The following RANBP2 variants were observed in gnomAD, a reference collection of about 807,000 sequenced individuals.
RANBP2 encodes the protein E3 SUMO-protein ligase RanBP2.
RANBP2 carries 57 observed loss-of-function variants against 303.6 expected under a neutral mutation model. That is an observed-to-expected ratio of 0.19 (90% CI 0.15 to 0.23). The LOEUF (loss-of-function observed/expected upper bound fraction) is 0.23. Ranked by LOEUF, RANBP2 falls within the 10% of genes least tolerant of loss-of-function variation. The pLI, the probability that RANBP2 is intolerant of heterozygous loss-of-function variation, is 1.00. For synonymous variants in RANBP2, 1,167 were observed against 1,301.5 expected, an observed-to-expected ratio of 0.90 and a Z score of 2.23; for missense variants, 3,138 against 3,780.8, an observed-to-expected ratio of 0.83 and a Z score of 4.46.
At chr2:109,404,266 C>T in the RANBP2 span, among the ~76,000 whole-genome samples, 1 of 152,224 alleles carries the variant, frequency 6.6e-6, no homozygotes, top group Non-Finnish European at 1.5e-5. Flanking sequence ...GGGCTTTAGG[C>T]TGAGGCTTTG....
chr2:109,327,314 C>T, the RANBP2 span, among the ~76,000 whole-genome samples: 1 of 152,174 alleles, frequency 6.6e-6, no homozygotes, highest in Non-Finnish European at 1.5e-5. Flanking sequence ...TTCCCTGCCG[C>T]TGGTAAATCA....
rs1695290023 is a variant in RANBP2, at chr2:108,732,946, T to G, written c.405+1472T>G. Among the ~76,000 whole-genome samples, 3 of 152,054 alleles carry G rather than the reference T, an allele frequency of 2.0e-5. No individual in the cohort carries two copies. In the South Asian group the frequency reaches 6.2e-4, roughly 32 times the overall value. On this transcript the variant is annotated intron_variant, in intron 4 of 28. Transcript: ENST00000283195. Reference sequence around the variant, plus strand: ...TCAAGCGATTCTCCTGCCTCAGCCTTCCGGGTAGCTGGGACTACAGGCACG... The same window carrying G: ...TCAAGCGATTCTCCTGCCTCAGCCTGCCGGGTAGCTGGGACTACAGGCACG...
the RANBP2 span, among the ~76,000 whole-genome samples, chr2:108,990,324 G>A: frequency 7.3e-5 from 11 of 151,322 alleles, no homozygotes; most frequent in South Asian, 2.1e-4. Flanking sequence ...CCAGCTACTC[G>A]GGAGGCTGAG....
the RANBP2 span, among the ~76,000 whole-genome samples, chr2:108,793,493 T>G: frequency 6.6e-6 from 1 of 152,206 alleles, no homozygotes; most frequent in South Asian, 2.1e-4. Flanking sequence ...ACAGCCACTT[T>G]GGAAAACAAT....
chr2:109,692,737 T>G, the RANBP2 span, among the ~76,000 whole-genome samples: 2 of 152,172 alleles, frequency 1.3e-5, no homozygotes, highest in Non-Finnish European at 2.9e-5. Flanking sequence ...CCTCTGAAAT[T>G]GCAGAGGGAA....
chr2:108,832,935 A>C, the RANBP2 span, among the ~76,000 whole-genome samples: 1,966 of 152,320 alleles, frequency 0.013, 50 homozygotes, highest in African/African-American at 0.046. Flanking sequence ...AGAGGGAGAC[A>C]GGAAATGGTT....
At chr2:109,364,548 T>C in the RANBP2 span, among the ~76,000 whole-genome samples, 10 of 152,356 alleles carry the variant, frequency 6.6e-5, no homozygotes, top group African/African-American at 2.2e-4. Flanking sequence ...ATTTTCTTGA[T>C]ACCAGACATG....
the RANBP2 span, among the ~76,000 whole-genome samples, chr2:109,712,559 G>A: frequency 6.6e-6 from 1 of 152,114 alleles, no homozygotes; most frequent in African/African-American, 2.4e-5. Flanking sequence ...CGCCTCCCAA[G>A]TAGCTGGGAT....
the RANBP2 span, among the ~76,000 whole-genome samples, chr2:109,351,694 T>C: frequency 6.6e-6 from 1 of 152,226 alleles, no homozygotes; most frequent in Admixed American, 6.5e-5. Flanking sequence ...GGAATCACTT[T>C]TGCACATGAC....
the RANBP2 span, among the ~76,000 whole-genome samples, chr2:109,265,046 C>T: frequency 2.2e-3 from 341 of 152,284 alleles, 1 homozygote; most frequent in African/African-American, 7.8e-3. Context: ...TCTTGTGGAC[C>T]GCAGTCTAAT....
chr2:108,798,564 C>G, the RANBP2 span: 4 of 1,609,822 alleles, frequency 2.5e-6, no homozygotes, highest in Admixed American at 5.1e-5. Context: ...GAGGTTCTTA[C>G]AAGATTTCAA....
the RANBP2 span, among the ~76,000 whole-genome samples, chr2:108,837,902 T>C: frequency 2.0e-5 from 3 of 152,090 alleles, no homozygotes; most frequent in African/African-American, 4.8e-5. Context: ...TCTCAACTTA[T>C]GAGGTGTCTA....
At chr2:109,024,796 A>G in the RANBP2 span, among the ~76,000 whole-genome samples, 5 of 152,186 alleles carry the variant, frequency 3.3e-5, no homozygotes, top group African/African-American at 1.2e-4. Flanking sequence ...CTTTAACTTC[A>G]TTGTTTATCT....
chr2:108,799,409 A>G, the RANBP2 span, among the ~76,000 whole-genome samples: 5 of 152,214 alleles, frequency 3.3e-5, no homozygotes, highest in African/African-American at 4.8e-5. Flanking sequence ...CAAGATCAAG[A>G]GTAGTTCAGC....
the RANBP2 span, among the ~76,000 whole-genome samples, chr2:108,966,113 T>G: frequency 6.6e-6 from 1 of 152,212 alleles, no homozygotes; most frequent in Non-Finnish European, 1.5e-5. Flanking sequence ...AAGAAAGTCA[T>G]TAACACCTCA....
chr2:109,737,604 G>A, the RANBP2 span: 1 of 338,360 alleles, frequency 3.0e-6, no homozygotes, highest in Non-Finnish European at 5.3e-6. Flanking sequence ...TGATGGGATT[G>A]CTGGATCATA....
chr2:109,586,077 A>G, the RANBP2 span, among the ~76,000 whole-genome samples: 1 of 152,274 alleles, frequency 6.6e-6, no homozygotes, highest in Admixed American at 6.5e-5. Context: ...TATGTATAAC[A>G]TTAAAACATT....
chr2:108,723,227 C>T (rs1694419178), intron 1 of RANBP2, among the ~76,000 whole-genome samples: 1 of 151,832 alleles, frequency 6.6e-6, no homozygotes, highest in Admixed American at 6.6e-5. Flanking sequence ...GAGTAACACA[C>T]ATATATACTT....
chr2:109,235,809 C>T, the RANBP2 span, among the ~76,000 whole-genome samples: 1 of 152,224 alleles, frequency 6.6e-6, no homozygotes, highest in African/African-American at 2.4e-5. Flanking sequence ...TTCACGTGCA[C>T]TCGGCACCAG....
Sources: gnomAD v4.1 joint callset for allele counts (sites outside exome capture counted in the v4.1 genomes callset) on GRCh38, gnomAD v4.1.1 for gene constraint, MANE v1.5 for transcripts, NCBI Gene and HGNC (gene_info 2026-07-23, HGNC 2026-07-21) for gene names.